Variants in BEST3 observed in about 807,000 individuals in gnomAD.
The protein encoded by BEST3 is bestrophin 3, also known as bestrophin-3.
BEST3 carries 50 observed loss-of-function variants against 47.1 expected under a neutral mutation model. That is an observed-to-expected ratio of 1.06 (90% CI 0.85 to 1.34). The LOEUF (loss-of-function observed/expected upper bound fraction) is 1.34. BEST3 is among the 40% of genes most tolerant of loss of function. BEST3 has a pLI of 0.00. For synonymous variants in BEST3, 282 were observed against 298.8 expected, an observed-to-expected ratio of 0.94 and a Z score of 0.58; for missense variants, 765 against 817.0, an observed-to-expected ratio of 0.94 and a Z score of 0.78.
In BEST3 at chr12:69,680,310, C is replaced by CTTCTTTTTT. The variant is rs763385722; in HGVS notation, c.482-1418_482-1417insAAAAAAGAA. On this transcript the variant is annotated intron_variant, in intron 4 of 9. Transcript: ENST00000330891. The stretch of plus-strand genomic sequence containing the variant: ...TTAAAACTTACAGTTTACACTTGAT[C>CTTCTTTTTT]TTTTTTTTTTTTTTTTTAGATGGAG... 6.1e-4 allele frequency among the ~76,000 whole-genome samples: 58 copies of CTTCTTTTTT among 95,006 alleles called. 13 individuals carry two copies. The highest frequency in any genetic ancestry group is 2.6e-3 in the East Asian group (8 of 3,054). The allele number at this position is 95,006 out of a possible 152,430, so 62.3% of individuals were successfully genotyped here. A position where few individuals can be genotyped will look rare whatever the true frequency, so the allele number is the denominator to read the frequency against.
chr12:69,659,877 G>A (rs1356737369), intron 9 of BEST3, among the ~76,000 whole-genome samples: 2 of 152,094 alleles, frequency 1.3e-5, no homozygotes, highest in African/African-American at 4.8e-5. Flanking sequence ...ATTAGGGAGA[G>A]TCAGCTGAAA....
chr12:69,697,097 G>A (rs374779221), intron 2 of BEST3, among the ~76,000 whole-genome samples: 197 of 152,108 alleles, frequency 1.3e-3, no homozygotes, highest in African/African-American at 3.9e-3. Flanking sequence ...CTCAGAAAAC[G>A]GAAAGAAAAT....
intron 9 of BEST3, chr12:69,643,928 T>C: frequency 2.0e-6 from 1 of 497,344 alleles, no homozygotes; most frequent in Non-Finnish European, 3.6e-6. Context: ...TGAAGCATGG[T>C]CCCAGAACCT....
intron 2 of BEST3, among the ~76,000 whole-genome samples, chr12:69,695,810 A>G (rs1886112397): frequency 1.3e-5 from 2 of 152,338 alleles, no homozygotes; most frequent in African/African-American, 4.8e-5. Context: ...TAAATAATAT[A>G]TGTATACATA....
intron 9 of BEST3, among the ~76,000 whole-genome samples, chr12:69,648,528 G>C (rs1478205940): frequency 6.6e-6 from 1 of 152,184 alleles, no homozygotes; most frequent in Admixed American, 6.5e-5. Context: ...AACAAACTCA[G>C]GGGCAAACAT....
At chr12:69,696,270 T>C (rs1298353849) in intron 2 of BEST3, among the ~76,000 whole-genome samples, 1 of 152,178 alleles carries the variant, frequency 6.6e-6, no homozygotes, top group Non-Finnish European at 1.5e-5. Flanking sequence ...AGAAGAAATA[T>C]ATGCATAAAA....
At chr12:69,696,996 T>C (rs1886155381) in intron 2 of BEST3, among the ~76,000 whole-genome samples, 1 of 152,216 alleles carries the variant, frequency 6.6e-6, no homozygotes, top group Non-Finnish European at 1.5e-5. Flanking sequence ...TTGGACTTGA[T>C]ATTGCTCAAA....
intron 2 of BEST3, among the ~76,000 whole-genome samples, chr12:69,695,000 C>G (rs1282453707): frequency 6.6e-6 from 1 of 152,048 alleles, no homozygotes; most frequent in Non-Finnish European, 1.5e-5. Flanking sequence ...TGTTTGGAGT[C>G]TAAAACAAAT....
At chr12:69,647,606 C>A (rs770642908) in intron 9 of BEST3, among the ~76,000 whole-genome samples, 3 of 152,020 alleles carry the variant, frequency 2.0e-5, no homozygotes, top group Non-Finnish European at 4.4e-5. Flanking sequence ...TTGGCTCACT[C>A]TATGGAGAAA....
intron 9 of BEST3, among the ~76,000 whole-genome samples, chr12:69,659,527 A>G (rs1204741489): frequency 1.3e-5 from 2 of 151,714 alleles, no homozygotes; most frequent in Non-Finnish European, 2.9e-5. Context: ...CTAATTTTTT[A>G]TTTTTGGTAG....
At chr12:69,668,379 T>G (rs1279931688) in intron 9 of BEST3, among the ~76,000 whole-genome samples, 2 of 152,214 alleles carry the variant, frequency 1.3e-5, no homozygotes, top group Admixed American at 1.3e-4. Flanking sequence ...TTTTATAAAA[T>G]GTAATGCTTG....
At chr12:69,656,003 A>G (rs957384535) in intron 9 of BEST3, among the ~76,000 whole-genome samples, 190 bp from the exon 10 acceptor site, 1 of 152,168 alleles carries the variant, frequency 6.6e-6, no homozygotes, top group Admixed American at 6.5e-5. Flanking sequence ...TAAACTCTTA[A>G]AAATTATTGC....
At chr12:69,658,893 G>A (rs1282636647) in intron 9 of BEST3, among the ~76,000 whole-genome samples, 1 of 152,206 alleles carries the variant, frequency 6.6e-6, no homozygotes, top group Non-Finnish European at 1.5e-5. Flanking sequence ...GTTGTGGGAT[G>A]TGAACTTTAT....
In BEST3 at chr12:69,654,799, A is replaced by T; in HGVS notation, c.*108T>A. The T allele has an allele frequency of 1.4e-6, 2 of 1,475,960 alleles. No homozygotes were observed. The highest frequency in any genetic ancestry group is 1.8e-6 in the Non-Finnish European group (2 of 1,113,204). The allele number at this position is 1,475,960 out of a possible 1,614,324, so 91.4% of individuals were successfully genotyped here. A position where few individuals can be genotyped will look rare whatever the true frequency, so the allele number is the denominator to read the frequency against. On this transcript the variant is annotated 3_prime_UTR_variant, in exon 10 of 10. Coordinates refer to ENST00000330891, the MANE Select transcript of BEST3 (RefSeq NM_032735.3). ...TCTAAGTAGCTTATACAGTGTGATC[A>T]TGTTTTTTAAAAAGTCGACCAGCCT...
intron 9 of BEST3, among the ~76,000 whole-genome samples, chr12:69,668,773 A>G (rs995650448): frequency 1.3e-5 from 2 of 152,132 alleles, no homozygotes; most frequent in African/African-American, 4.8e-5. Flanking sequence ...CTCCCTGTTG[A>G]TAGTAATTAG....
At position 69,672,834 on chromosome 12, in the gene BEST3, C is replaced by G. The variant is rs564101346; in HGVS notation, c.948+51G>C. On this transcript the variant is annotated intron_variant, in intron 8 of 9. Transcript: ENST00000330891. ...TGAAATCTGCTTAGATTTGAAATAT[C>G]GCAAGTGATTTATTATTAACATTTG... The G allele has an allele frequency of 7.5e-5, 100 of 1,335,656 alleles. No individual in the cohort carries two copies. The South Asian group carries it at 1.1e-3, about 14-fold the overall frequency. 82.7% of individuals were successfully genotyped at this position (1,335,656 alleles called of 1,614,324 possible). A position where few individuals can be genotyped will look rare whatever the true frequency, so the allele number is the denominator to read the frequency against.
downstream of BEST3, among the ~76,000 whole-genome samples, chr12:69,651,092 GA>G (rs566233517): frequency 4.8e-3 from 730 of 152,160 alleles, 5 homozygotes; most frequent in African/African-American, 0.017. Context: ...AAAAAAGAAG[GA>G]AAGCTTCCTG....
At chr12:69,668,682 C>G (rs1007333765) in intron 9 of BEST3, among the ~76,000 whole-genome samples, 1 of 152,198 alleles carries the variant, frequency 6.6e-6, no homozygotes, top group Non-Finnish European at 1.5e-5. Flanking sequence ...ATCACATACT[C>G]CATATGGTTG....
rs1886029884 is a variant in BEST3 at position 69,693,864 on chromosome 12, A to G, written c.291T>C (p.Phe97=). 2 of 1,613,394 alleles carry G rather than the reference A, an allele frequency of 1.2e-6. No individual in the cohort carries two copies. Among genetic ancestry groups the G allele is most frequent in the Non-Finnish European group, 1.7e-6 (2 of 1,179,718 alleles). Residue 97 remains phenylalanine (F), a synonymous_variant, in exon 4 of 10, where the codon TTT becomes TTC. Transcript: ENST00000330891. Reference sequence around the variant, plus strand: ...GCCTGTCTGGCCAGGGCAAATTCACAAACTGGTTCCACCATCGGTTCACTA... The same window carrying G: ...GCCTGTCTGGCCAGGGCAAATTCACGAACTGGTTCCACCATCGGTTCACTA... ...TLVVNRWWNQ[F]VNLPWPDRLM... is the part of the protein sequence containing the mutation.
Sources: gnomAD v4.1 joint callset for allele counts (sites outside exome capture counted in the v4.1 genomes callset) on GRCh38, gnomAD v4.1.1 for gene constraint, MANE v1.5 for transcripts, NCBI Gene and HGNC (gene_info 2026-07-23, HGNC 2026-07-21) for gene names.